GPR158: variants seen among roughly 807,000 people sequenced by gnomAD.
GPR158 encodes metabotropic glycine receptor.
Under a neutral mutation model 78.2 loss-of-function variants are expected in GPR158, and 30 were observed. That is an observed-to-expected ratio of 0.38 (90% CI 0.29 to 0.52). GPR158 has a LOEUF of 0.52. Among genes scored for constraint, GPR158 ranks in the 20% least tolerant of loss-of-function variants. The probability of loss-of-function intolerance (pLI) is 0.83; values close to 1 mark genes in which losing one functional copy is unlikely to be tolerated. For missense variants in GPR158, 1,463 were observed against 1,523.5 expected, an observed-to-expected ratio of 0.96 and a Z score of 0.66; for synonymous variants, 581 against 591.1, an observed-to-expected ratio of 0.98 and a Z score of 0.25.
rs149833592 is a variant in GPR158 at position 25,395,981 on chromosome 10, A to G, written c.1079A>G (p.His360Arg). 8.2e-5 allele frequency: 132 copies of G among 1,606,178 alleles called. 1 individual carries two copies. The highest frequency in any genetic ancestry group is 1.6e-4 in the Middle Eastern group (1 of 6,062). Residue 360 changes from histidine (H) to arginine (R), a missense_variant, in exon 3 of 11, where the codon CAT (histidine) becomes CGT (arginine). Coordinates refer to ENST00000376351, the MANE Select transcript of GPR158 (RefSeq NM_020752.3). The stretch of plus-strand genomic sequence containing the variant: ...TGCATTTGCAAAGCAGGATTCTATC[A>G]TCCTGGAGTCTTACCAGTGAACAAC... Reference protein sequence around the residue: ...YECICKAGFYHPGVLPVNNFR... With the variant: ...YECICKAGFYRPGVLPVNNFR...
intron 5 of GPR158, among the ~76,000 whole-genome samples, chr10:25,517,130 G>T (rs1836188192): frequency 6.8e-6 from 1 of 146,860 alleles, no homozygotes. Flanking sequence ...TCTCTTTGAA[G>T]CAATTGTGAA....
intron 2 of GPR158, among the ~76,000 whole-genome samples, chr10:25,347,867 T>A (rs1180243801): frequency 1.3e-5 from 2 of 150,036 alleles, no homozygotes; most frequent in East Asian, 3.9e-4. Context: ...AGCCATACAA[T>A]CTGTTAGAGA....
At chr10:25,596,883 TAC>T (rs1290166065) in intron 10 of GPR158, 94 bp downstream of exon 10, 1 of 975,302 alleles carries the variant, frequency 1.0e-6, no homozygotes. Context: ...TGCATGCATG[TAC>T]ACTCATGTTT....
intron 5 of GPR158, among the ~76,000 whole-genome samples, chr10:25,483,419 C>A (rs1245941601): frequency 6.6e-6 from 1 of 152,064 alleles, no homozygotes; most frequent in Non-Finnish European, 1.5e-5. Context: ...CTTGATGAAG[C>A]TCACCCCGAC....
intron 4 of GPR158, among the ~76,000 whole-genome samples, chr10:25,435,548 T>C (rs1358595906): frequency 1.3e-5 from 2 of 152,122 alleles, no homozygotes; most frequent in Non-Finnish European, 2.9e-5. Context: ...CCATCACAGA[T>C]GGACAACAGT....
chr10:25,220,290 G>C lies in GPR158; in HGVS notation c.903-762G>C, dbSNP rs138997612. On this transcript the variant is annotated intron_variant, in intron 1 of 10. Coordinates refer to ENST00000376351, the MANE Select transcript of GPR158 (RefSeq NM_020752.3). ...GTGGTGCTGCTGGTGGTGAAAAATA[G>C]AAAGGAGGGAATCTTAGGAAAACAG... 7.1e-3 allele frequency among the ~76,000 whole-genome samples: 1,074 copies of C among 152,274 alleles called. 14 individuals carry two copies. The highest frequency in any genetic ancestry group is 0.025 in the African/African-American group (1,038 of 41,550).
At chr10:25,275,403 G>A (rs1439411718) in intron 2 of GPR158, among the ~76,000 whole-genome samples, 1 of 152,110 alleles carries the variant, frequency 6.6e-6, no homozygotes, top group African/African-American at 2.4e-5. Context: ...TTTTATAATT[G>A]TCTTCCCATG....
intron 4 of GPR158, among the ~76,000 whole-genome samples, chr10:25,415,946 C>T (rs1321738264): frequency 6.6e-6 from 1 of 151,896 alleles, no homozygotes; most frequent in African/African-American, 2.4e-5. Context: ...ACTACTCTGA[C>T]AATATGCTAA....
chr10:25,478,358 C>A (rs910516585), intron 5 of GPR158, among the ~76,000 whole-genome samples: 1 of 151,748 alleles, frequency 6.6e-6, no homozygotes, highest in East Asian at 1.9e-4. Context: ...CAAAGTAGAA[C>A]AAAATTAAAG....
chr10:25,430,943 T>G (rs1345303953), intron 4 of GPR158, among the ~76,000 whole-genome samples: 1 of 148,604 alleles, frequency 6.7e-6, no homozygotes, highest in African/African-American at 2.5e-5. Context: ...ATTCAGGACA[T>G]AGGCATGGGC....
At position 25,340,456 on chromosome 10, in the gene GPR158, G is replaced by T. The variant is rs540062188; in HGVS notation, c.1009-55455G>T. On this transcript the variant is annotated intron_variant, in intron 2 of 10. Coordinates refer to ENST00000376351, the MANE Select transcript of GPR158 (RefSeq NM_020752.3). ...AACAGAAACATTCCAGTCAGAGGAA[G>T]ACTTTAAATAACTATGTCTAGTATG... Among the ~76,000 whole-genome samples, 4 of 152,028 alleles carry T rather than the reference G, an allele frequency of 2.6e-5. No homozygotes were observed. The East Asian group carries it at 7.7e-4, about 29-fold the overall frequency.
intron 2 of GPR158, among the ~76,000 whole-genome samples, chr10:25,382,454 A>C (rs1834168695): frequency 6.6e-6 from 1 of 152,200 alleles, no homozygotes; most frequent in South Asian, 2.1e-4. Flanking sequence ...GATGTCATAA[A>C]ATAAAACATC....
chr10:25,561,872 A>G (rs541466290), intron 6 of GPR158, among the ~76,000 whole-genome samples: 2 of 152,272 alleles, frequency 1.3e-5, no homozygotes, highest in East Asian at 1.9e-4. Context: ...TATAAGTTTA[A>G]AATAGTCATA....
At chr10:25,468,677 G>C (rs1564463682) in intron 5 of GPR158, among the ~76,000 whole-genome samples, 1 of 152,164 alleles carries the variant, frequency 6.6e-6, no homozygotes. Context: ...GGTAATCATA[G>C]TGGACGCTAG....
Position 25,175,193 on chromosome 10 carries a change from G to T in GPR158, c.-228G>T. On this transcript the variant is annotated 5_prime_UTR_variant, in exon 1 of 11. Transcript: ENST00000376351. This position sits in a 1 kb window ranked among gnomAD's most constrained non-coding sequence, Gnocchi z 6.4. ...GCGTAATCCCCAGCCGGCCCCTCGC[G>T]CAGCGGGCACGGCCAGCGCTGCCAC... 2.1e-6 allele frequency: 1 copy of T among 465,494 alleles called. No individual in the cohort carries two copies. The allele number at this position is 465,494 out of a possible 1,614,324, so 28.8% of individuals were successfully genotyped here. A position where few individuals can be genotyped will look rare whatever the true frequency, so the allele number is the denominator to read the frequency against.
intron 1 of GPR158, among the ~76,000 whole-genome samples, chr10:25,189,687 A>G (rs550566485): frequency 6.6e-6 from 1 of 152,102 alleles, no homozygotes; most frequent in South Asian, 2.1e-4. Context: ...CCTAATGTAA[A>G]TGATGAGTTA....
chr10:25,545,141 G>C (rs1836645740), intron 5 of GPR158, among the ~76,000 whole-genome samples: 1 of 152,140 alleles, frequency 6.6e-6, no homozygotes, highest in Non-Finnish European at 1.5e-5. Flanking sequence ...AGTCTCTGCT[G>C]TTGTGAACAG....
intron 5 of GPR158, among the ~76,000 whole-genome samples, chr10:25,486,329 G>T (rs1227768513): frequency 6.6e-6 from 1 of 151,922 alleles, no homozygotes; most frequent in Non-Finnish European, 1.5e-5. Flanking sequence ...CAGTATAGCA[G>T]TTAGGAGCAT....
intron 2 of GPR158, among the ~76,000 whole-genome samples, chr10:25,290,933 A>C (rs1281920812): frequency 1.3e-5 from 2 of 152,094 alleles, no homozygotes; most frequent in African/African-American, 4.8e-5. Flanking sequence ...TGTAATAAAA[A>C]TTTAACCAAA....
Sources: gnomAD v4.1 joint callset for allele counts (sites outside exome capture counted in the v4.1 genomes callset) on GRCh38, gnomAD v4.1.1 for gene constraint, Gnocchi (gnomAD v3.1) non-coding constraint, MANE v1.5 for transcripts, NCBI Gene and HGNC (gene_info 2026-07-23, HGNC 2026-07-21) for gene names.